The following FAF1 variants were observed in gnomAD, a reference collection of about 807,000 sequenced individuals.
FAF1 encodes the protein FAS-associated factor 1.
FAF1 carries 25 observed loss-of-function variants against 92.5 expected under a neutral mutation model. The ratio of observed to expected loss-of-function variants is 0.27; its 90% CI spans 0.20 to 0.38. FAF1 has a LOEUF of 0.38. Among genes scored for constraint, FAF1 ranks in the 10% least tolerant of loss-of-function variants. FAF1 has a pLI of 1.00. For synonymous variants in FAF1, 234 were observed against 273.2 expected (o/e 0.86, Z 1.42); for missense variants, 636 against 793.3 (o/e 0.80, Z 2.38).
intron 5 of FAF1, among the ~76,000 whole-genome samples, chr1:50,740,914 C>A (rs753367325): frequency 2.4e-4 from 36 of 152,114 alleles, no homozygotes; most frequent in Middle Eastern, 3.4e-3. Context: ...TAAATGCTTG[C>A]CATTTGATCA....
At chr1:50,509,934 G>A (rs981541289) in intron 15 of FAF1, among the ~76,000 whole-genome samples, 2 of 152,006 alleles carry the variant, frequency 1.3e-5, no homozygotes, top group Non-Finnish European at 2.9e-5. Context: ...TTGGGAGGAC[G>A]AGTTGGGCGG....
At chr1:50,851,929 T>C (rs1338332322) in intron 2 of FAF1, among the ~76,000 whole-genome samples, 1 of 152,174 alleles carries the variant, frequency 6.6e-6, no homozygotes, top group African/African-American at 2.4e-5. Flanking sequence ...AAAAATTCTT[T>C]CATAACTATT....
chr1:50,811,379 A>C (rs1472529377), intron 2 of FAF1, among the ~76,000 whole-genome samples: 1 of 152,104 alleles, frequency 6.6e-6, no homozygotes, highest in Admixed American at 6.6e-5. Flanking sequence ...CAAAACCAAT[A>C]TACAAAAATT....
At chr1:50,446,002 C>G (rs541816650) in intron 18 of FAF1, among the ~76,000 whole-genome samples, 22 of 152,286 alleles carry the variant, frequency 1.4e-4, no homozygotes, top group African/African-American at 5.3e-4. Flanking sequence ...GCTTCAGTTC[C>G]TTTTCTAAAA....
intron 3 of FAF1, among the ~76,000 whole-genome samples, chr1:50,801,046 T>C (rs1371989097): frequency 2.0e-5 from 3 of 152,258 alleles, no homozygotes; most frequent in African/African-American, 7.2e-5. Flanking sequence ...ACATTGCAAC[T>C]ATTATAATTC....
Position 50,685,398 on chromosome 1 carries a change from G to T in FAF1, c.657+20388C>A, listed in dbSNP as rs74080046. On this transcript the variant is annotated intron_variant, in intron 7 of 18. Transcript: ENST00000396153. ...AAGAGTCCGTGTAGCGAGATAGAAG[G>T]AGGGTGAGGTAAACTACTGCTATAG... Among the ~76,000 whole-genome samples, 1,172 of 152,290 alleles carry T rather than the reference G, an allele frequency of 7.7e-3. 13 individuals are homozygous for T. Among genetic ancestry groups the T allele is most frequent in the African/African-American group, 0.027 (1,132 of 41,548 alleles).
Position 50,857,912 on chromosome 1 carries a change from A to G in FAF1, c.114+17T>C. On this transcript the variant is annotated intron_variant, in intron 2 of 18. Coordinates refer to ENST00000396153, the MANE Select transcript of FAF1 (RefSeq NM_007051.3). ...ATAAAATTTGATTACTCATCAGAGA[A>G]AGAAAAAAGTACTTACCACTAAGTC... The G allele has an allele frequency of 2.0e-6, 3 of 1,530,596 alleles. No individual in the cohort carries two copies. The highest frequency in any genetic ancestry group is 2.7e-6 in the Non-Finnish European group (3 of 1,126,114). 94.8% of individuals were successfully genotyped at this position (1,530,596 alleles called of 1,614,324 possible). A position where few individuals can be genotyped will look rare whatever the true frequency, so the allele number is the denominator to read the frequency against.
At chr1:50,864,991 C>T (rs956739606) in intron 1 of FAF1, among the ~76,000 whole-genome samples, 13 of 151,806 alleles carry the variant, frequency 8.6e-5, no homozygotes, top group Non-Finnish European at 7.4e-5. Flanking sequence ...AACAAATTTA[C>T]AAGAAAAAAA....
At chr1:50,656,775 C>T (rs193285388) in intron 7 of FAF1, among the ~76,000 whole-genome samples, 12 of 151,788 alleles carry the variant, frequency 7.9e-5, no homozygotes, top group African/African-American at 1.2e-4. Flanking sequence ...CCCAGCTACT[C>T]GGGAAGCTGA....
intron 18 of FAF1, among the ~76,000 whole-genome samples, chr1:50,458,697 T>C (rs549403232): frequency 6.6e-6 from 1 of 152,252 alleles, no homozygotes; most frequent in Non-Finnish European, 1.5e-5. Flanking sequence ...AATATGTCTG[T>C]GGTTTAGCAA....
chr1:50,543,967 G>C (rs373107148), intron 13 of FAF1, among the ~76,000 whole-genome samples: 6 of 152,076 alleles, frequency 3.9e-5, no homozygotes, highest in African/African-American at 1.4e-4. Flanking sequence ...CATGTGGAAA[G>C]GGCATCCTCC....
chr1:50,668,313 T>C (rs1358298642), intron 7 of FAF1, among the ~76,000 whole-genome samples: 3 of 152,200 alleles, frequency 2.0e-5, no homozygotes, highest in African/African-American at 7.2e-5. Context: ...ACAACCTACT[T>C]AACCTCTCCT....
chr1:50,535,808 T>C (rs550149766), intron 14 of FAF1, among the ~76,000 whole-genome samples: 1 of 152,232 alleles, frequency 6.6e-6, no homozygotes, highest in Non-Finnish European at 1.5e-5. Context: ...AACTACCAAT[T>C]GTTTATATAT....
intron 2 of FAF1, among the ~76,000 whole-genome samples, chr1:50,818,630 T>A (rs1257551007): frequency 6.6e-6 from 1 of 152,196 alleles, no homozygotes; most frequent in Non-Finnish European, 1.5e-5. Context: ...TACTGTATGA[T>A]TTCCTTCATA....
chr1:50,452,598 CCAT>C (rs1646307430), intron 18 of FAF1, among the ~76,000 whole-genome samples: 1 of 152,058 alleles, frequency 6.6e-6, no homozygotes, highest in South Asian at 2.1e-4. Flanking sequence ...AAAGGTTGGT[CCAT>C]AATGCTAACC....
intron 1 of FAF1, among the ~76,000 whole-genome samples, chr1:50,862,511 G>A (rs1324148304): frequency 2.0e-5 from 3 of 151,900 alleles, no homozygotes; most frequent in Middle Eastern, 6.8e-3. Context: ...TCTCGTATTT[G>A]TTAGCACAAT....
intron 8 of FAF1, among the ~76,000 whole-genome samples, chr1:50,621,991 C>T (rs949922163): frequency 2.0e-5 from 3 of 151,834 alleles, no homozygotes; most frequent in African/African-American, 7.3e-5. Context: ...TATGGTGAAA[C>T]CCAGTCTCTA....
chr1:50,595,750 C>G (rs1162534544), intron 9 of FAF1, among the ~76,000 whole-genome samples: 4 of 151,234 alleles, frequency 2.6e-5, no homozygotes, highest in Non-Finnish European at 5.9e-5. Flanking sequence ...ACTATGTTGG[C>G]CAGGCTGGTC....
intron 1 of FAF1, among the ~76,000 whole-genome samples, chr1:50,893,485 T>A (rs1330148334): frequency 1.3e-5 from 2 of 152,190 alleles, no homozygotes; most frequent in Non-Finnish European, 2.9e-5. Flanking sequence ...ATTTTATGGA[T>A]TAGCATATAG....
Sources: allele counts gnomAD v4.1 joint callset (sites outside exome capture counted in the v4.1 genomes callset), GRCh38; gene constraint gnomAD v4.1.1; transcripts MANE v1.5; gene names NCBI Gene and HGNC (gene_info 2026-07-23, HGNC 2026-07-21).